Variants in SF3B2 observed in about 807,000 individuals in gnomAD.
SF3B2 encodes SAP 145.
Under a neutral mutation model 116.3 loss-of-function variants are expected in SF3B2, and 22 were observed. The ratio of observed to expected loss-of-function variants is 0.19; its 90% CI spans 0.14 to 0.27. The LOEUF (loss-of-function observed/expected upper bound fraction) is 0.27. SF3B2 is among the 10% of genes least tolerant of loss of function. The probability of loss-of-function intolerance (pLI) is 1.00; values close to 1 mark genes in which losing one functional copy is unlikely to be tolerated. For synonymous variants in SF3B2, 406 were observed against 421.6 expected (o/e 0.96, Z 0.45); for missense variants, 767 against 1,151.4 (o/e 0.67, Z 4.83).
chr11:66,052,539 G>A, intron 1 of SF3B2, 22 bp downstream of exon 1: 1 of 1,607,890 alleles, frequency 6.2e-7, no homozygotes, highest in Non-Finnish European at 8.5e-7. Flanking sequence ...AGGAAGTCGA[G>A]GGGCCTTTAC....
chr11:66,064,037 G>A (rs952568238), intron 19 of SF3B2, among the ~76,000 whole-genome samples: 3 of 152,154 alleles, frequency 2.0e-5, no homozygotes, highest in Admixed American at 1.3e-4. Context: ...ATGAAAAAGC[G>A]CCAGCCACAG....
In SF3B2 at chr11:66,056,886, G is replaced by A. The variant is rs746981563; in HGVS notation, c.598G>A (p.Gly200Ser). 3 of 1,614,110 alleles carry A rather than the reference G, an allele frequency of 1.9e-6. No homozygotes were observed. Among genetic ancestry groups the A allele is most frequent in the Middle Eastern group, 1.6e-4 (1 of 6,062 alleles). Residue 200 changes from glycine (G) to serine (S), a missense_variant, in exon 6 of 22, where the codon GGC becomes AGC. Physicochemically the swap from Gly to Ser is moderately conservative, Grantham distance 56. Coordinates refer to ENST00000322535, the MANE Select transcript of SF3B2 (RefSeq NM_006842.3). ...ACGACAGCAGGAGATTGCCAAGATG[G>A]GCACCCCAGTCCCTCGGCCCCCACA... ...QERQQEIAKMGTPVPRPPQDM... is the reference protein window; with the variant it reads ...QERQQEIAKMSTPVPRPPQDM...
At chr11:66,066,687 G>C (rs375848427) in intron 19 of SF3B2, 1 of 152,200 alleles carries the variant, frequency 6.6e-6, no homozygotes, top group Non-Finnish European at 1.5e-5. Context: ...AGGTTTTTCC[G>C]GCTGGCTAGT....
At chr11:66,065,517 T>TG (rs927234843) in intron 19 of SF3B2, 49 of 152,288 alleles carry the variant, frequency 3.2e-4, no homozygotes, top group African/African-American at 1.1e-3. Context: ...TTTATTAATT[T>TG]GGGGAAAATT....
chr11:66,058,475 G>A, intron 9 of SF3B2, 70 bp downstream of exon 9: 1 of 1,236,244 alleles, frequency 8.1e-7, no homozygotes, highest in Non-Finnish European at 1.2e-6. Flanking sequence ...AACACAATTT[G>A]TAAGTGTTCA....
Position 66,068,166 on chromosome 11 carries a change from C to G in SF3B2, c.2449C>G (p.Pro817Ala), listed in dbSNP as rs1565093356. 1 of 1,614,082 alleles carries G rather than the reference C, an allele frequency of 6.2e-7. No homozygotes were observed. The highest frequency in any genetic ancestry group is 1.7e-5 in the Admixed American group (1 of 60,008). Residue 817 changes from proline to alanine, a missense_variant, in exon 21 of 22, where the codon CCG (proline) becomes GCG (alanine). This residue lies in a region of SF3B2 where 282 missense variants were observed against 568.0 expected (regional missense o/e 0.50). Coordinates refer to ENST00000322535, the MANE Select transcript of SF3B2 (RefSeq NM_006842.3). ...TTTCCAGGTTATGAGCCGGAAGGGC[C>G]CGGCTCCTGAGCTGCAAGGTGTGGA... ...DMSTVMSRKGPAPELQGVEVA... is the reference protein window; with the variant it reads ...DMSTVMSRKGAAPELQGVEVA...
chr11:66,061,660 T>C (rs570419242), intron 14 of SF3B2, 26 bp from the exon 15 acceptor site: 2 of 1,569,828 alleles, frequency 1.3e-6, no homozygotes, highest in African/African-American at 1.4e-5. Context: ...GGGTCTACAA[T>C]GTAGCATGCT....
chr11:66,065,671 CTTTG>C (rs1462007379), intron 19 of SF3B2: 1 of 152,034 alleles, frequency 6.6e-6, no homozygotes, highest in Non-Finnish European at 1.5e-5. Context: ...ATTCTTCTCT[CTTTG>C]TATTTCACTT....
At chr11:66,058,241 T>C in intron 8 of SF3B2, 73 bp from the exon 9 acceptor site, 1 of 1,569,780 alleles carries the variant, frequency 6.4e-7, no homozygotes, top group Non-Finnish European at 8.8e-7. Context: ...TGGCTCTTGG[T>C]AAAGGCAGGT....
intron 14 of SF3B2, 43 bp downstream of exon 14, chr11:66,060,774 T>C (rs752335425): frequency 1.3e-6 from 2 of 1,596,666 alleles, no homozygotes. Flanking sequence ...GCCTTGGGGT[T>C]GAGACTGTCT....
In SF3B2 at chr11:66,058,671, C is replaced by T; in HGVS notation, c.967-159C>T. 2.2e-5 allele frequency: 15 copies of T among 673,838 alleles called. No individual in the cohort carries two copies. The South Asian group carries it at 3.0e-4, about 13-fold the overall frequency. 41.7% of individuals were successfully genotyped at this position (673,838 alleles called of 1,614,324 possible). ...CTTGTGAGTGGCAGAACTTTGGAGTCTGACTCCAAGGCCCCTTCGCAGCTA... is the reference window on the plus strand; with the variant it reads ...CTTGTGAGTGGCAGAACTTTGGAGTTTGACTCCAAGGCCCCTTCGCAGCTA... On this transcript the variant is annotated intron_variant, in intron 9 of 21. Coordinates refer to ENST00000322535, the MANE Select transcript of SF3B2 (RefSeq NM_006842.3).
At chr11:66,054,517 T>C (rs1483477434) in intron 3 of SF3B2, among the ~76,000 whole-genome samples, 1 of 150,936 alleles carries the variant, frequency 6.6e-6, no homozygotes, top group East Asian at 1.9e-4. Context: ...CAAGGAAGAC[T>C]GACTTGTCCT....
At chr11:66,065,739 T>G (rs1857171562) in intron 19 of SF3B2, 1 of 152,218 alleles carries the variant, frequency 6.6e-6, no homozygotes, top group Non-Finnish European at 1.5e-5. Context: ...CTTCTGTAAT[T>G]TCTGATCTAA....
Position 66,055,098 on chromosome 11 carries a change from C to T in SF3B2, c.281C>T (p.Pro94Leu), listed in dbSNP as rs772289139. 6.6e-6 allele frequency: 10 copies of T among 1,521,126 alleles called. No homozygotes were observed. The highest frequency in any genetic ancestry group is 8.8e-7 in the Non-Finnish European group (1 of 1,132,758). 94.2% of individuals were successfully genotyped at this position (1,521,126 alleles called of 1,614,324 possible). ...CAGCTCCCTGGAATTCCCATGCCACCACCACCTTTGGGACTCCCCCCTCTG... is the reference window on the plus strand; with the variant it reads ...CAGCTCCCTGGAATTCCCATGCCACTACCACCTTTGGGACTCCCCCCTCTG... The part of the protein sequence containing the change: ...SAQLPGIPMP[P>L]PPLGLPPLQP... The change falls in exon 4 of 22, where the codon CCA becomes CTA. Residue 94 changes from proline (P) to leucine (L), a missense_variant. Physicochemically the swap from Pro to Leu is moderately conservative, Grantham distance 98. Coordinates refer to ENST00000322535, the MANE Select transcript of SF3B2 (RefSeq NM_006842.3).
At position 66,052,939 on chromosome 11, in the gene SF3B2, G is replaced by A; in HGVS notation, c.181-88G>A. The A allele has an allele frequency of 2.9e-6, 4 of 1,382,900 alleles. No homozygotes were observed. The Middle Eastern group carries it at 5.4e-4, about 185-fold the overall frequency. The allele number at this position is 1,382,900 out of a possible 1,614,324, so 85.7% of individuals were successfully genotyped here. A position where few individuals can be genotyped will look rare whatever the true frequency, so the allele number is the denominator to read the frequency against. ...CCAGAGCGCTGGCAGACAGGCACTG[G>A]GTACGTTTTGTTGAATGAATTGGGA... On this transcript the variant is annotated intron_variant, in intron 2 of 21. Transcript: ENST00000322535.
intron 3 of SF3B2, among the ~76,000 whole-genome samples, chr11:66,054,600 C>T (rs1399781672): frequency 1.3e-5 from 2 of 152,264 alleles, no homozygotes; most frequent in Non-Finnish European, 2.9e-5. Context: ...TGTGTGACAT[C>T]GAGGGCTCCC....
chr11:66,058,949 C>T lies in SF3B2; in HGVS notation c.1086C>T (p.Ser362=). ...KDSTRSRGSD[S]PAADVEIEYV... is the part of the protein sequence containing the mutation. The stretch of plus-strand genomic sequence containing the variant: ...CAACCCGGTCCCGTGGCTCTGATTC[C>T]CCAGCAGCTGATGTTGAGATTGAGT... The change falls in exon 10 of 22, where the codon TCC becomes TCT. Residue 362 remains serine (S), a synonymous_variant. Coordinates refer to ENST00000322535, the MANE Select transcript of SF3B2 (RefSeq NM_006842.3). 2.5e-6 allele frequency: 4 copies of T among 1,614,142 alleles called. No homozygotes were observed. Among genetic ancestry groups the T allele is most frequent in the Non-Finnish European group, 3.4e-6 (4 of 1,180,020 alleles).
chr11:66,059,319 ACAG>A lies in SF3B2; in HGVS notation c.1305_1307del (p.Ser436del). 1 of 1,613,964 alleles carries A rather than the reference ACAG, an allele frequency of 6.2e-7. No individual in the cohort carries two copies. The highest frequency in any genetic ancestry group is 8.5e-7 in the Non-Finnish European group (1 of 1,179,956). On this transcript the variant is annotated inframe_deletion, in exon 11 of 22. Transcript: ENST00000322535. This position sits in a 1 kb window ranked among gnomAD's most constrained non-coding sequence, Gnocchi z 5.0. ...GAGGAGCACAAGGACAGTGATGATGACAGCAGTGATGACGAGCAGGTCAGGCCC... is the reference window on the plus strand; with the variant it reads ...GAGGAGCACAAGGACAGTGATGATGACAGTGATGACGAGCAGGTCAGGCCC...
rs1305743554 is a variant in SF3B2, at chr11:66,058,049, G to T, written c.778-5G>T. 6.2e-7 allele frequency: 1 copy of T among 1,600,162 alleles called. No homozygotes were observed. Among genetic ancestry groups the T allele is most frequent in the African/African-American group, 1.3e-5 (1 of 74,110 alleles). ...TTGCCTTCTCTGACTGGGTGTCTCT[G>T]GCAGATGGATGACCCCTCTGTGGGC... On this transcript the variant is annotated splice_polypyrimidine_tract_variant and splice_region_variant and intron_variant, in intron 7 of 21. Coordinates refer to ENST00000322535, the MANE Select transcript of SF3B2 (RefSeq NM_006842.3).
Sources: allele counts gnomAD v4.1 joint callset (sites outside exome capture counted in the v4.1 genomes callset), GRCh38; gene constraint gnomAD v4.1.1; regional missense constraint gnomAD v4.1.1; non-coding constraint Gnocchi (gnomAD v3.1); transcripts MANE v1.5; gene names NCBI Gene and HGNC (gene_info 2026-07-23, HGNC 2026-07-21).